The following SLC30A6 variants were observed in gnomAD, a reference collection of about 807,000 sequenced individuals.
The protein encoded by SLC30A6 is solute carrier family 30 member 6.
SLC30A6 carries 55 observed loss-of-function variants against 63.0 expected under a neutral mutation model. That is an observed-to-expected ratio of 0.87 (90% CI 0.70 to 1.09). SLC30A6 has a LOEUF of 1.09. SLC30A6 is among the 50% of genes least tolerant of loss of function. The pLI is 0.00. For missense variants in SLC30A6, 587 were observed against 549.2 expected (o/e 1.07, Z -0.69); for synonymous variants, 224 against 186.1 (o/e 1.20, Z -1.66).
chr2:32,194,272 G>A (rs757091059), intron 8 of SLC30A6, among the ~76,000 whole-genome samples: 3 of 152,170 alleles, frequency 2.0e-5, no homozygotes, highest in Non-Finnish European at 4.4e-5. Context: ...TTCTAAATGT[G>A]TAATCTATCT....
At chr2:32,202,786 G>C in intron 10 of SLC30A6, 1 of 727,022 alleles carries the variant, frequency 1.4e-6, no homozygotes, top group South Asian at 1.5e-5. Context: ...TCTGCAGCTC[G>C]CCCACAGTGG....
intron 4 of SLC30A6, among the ~76,000 whole-genome samples, chr2:32,183,201 A>G (rs1303433681): frequency 1.3e-5 from 2 of 151,890 alleles, no homozygotes; most frequent in Non-Finnish European, 2.9e-5. Flanking sequence ...AAGAACATAT[A>G]TCAGTTCCTG....
At chr2:32,202,446 C>T (rs559993168) in intron 10 of SLC30A6, 1 of 262,778 alleles carries the variant, frequency 3.8e-6, no homozygotes, top group Non-Finnish European at 7.3e-6. Flanking sequence ...TTTCCTGCCT[C>T]AGCCTCCCAA....
chr2:32,202,692 T>G (rs549705311), intron 10 of SLC30A6: 1 of 665,630 alleles, frequency 1.5e-6, no homozygotes, highest in Admixed American at 2.1e-5. Flanking sequence ...AATGTTAGAG[T>G]TAGGTTTTGC....
At chr2:32,199,598 T>G (rs974442011) in intron 10 of SLC30A6, among the ~76,000 whole-genome samples, 1 of 152,214 alleles carries the variant, frequency 6.6e-6, no homozygotes, top group Admixed American at 6.5e-5. Context: ...TACAATAAAT[T>G]ATTGTTGACT....
Position 32,199,274 on chromosome 2 carries a change from T to C in SLC30A6, c.665+1448T>C, listed in dbSNP as rs563684075. Reference sequence around the variant, plus strand: ...TGGATATTTGAATTGGTTGCATTTCTTTGACTATTGTGAATAATACCACTG... The same window carrying C: ...TGGATATTTGAATTGGTTGCATTTCCTTGACTATTGTGAATAATACCACTG... On this transcript the variant is annotated intron_variant, in intron 10 of 13. Coordinates refer to ENST00000282587, the MANE Select transcript of SLC30A6 (RefSeq NM_017964.5). Among the ~76,000 whole-genome samples, 9 of 152,354 alleles carry C rather than the reference T, an allele frequency of 5.9e-5. 1 individual carries two copies. Among genetic ancestry groups the C allele is most frequent in the Non-Finnish European group, 1.2e-4 (8 of 68,034 alleles).
intron 11 of SLC30A6, 137 bp from the exon 12 acceptor site, chr2:32,206,749 C>G (rs1161611304): frequency 3.2e-6 from 2 of 627,496 alleles, no homozygotes; most frequent in African/African-American, 3.7e-5. Context: ...GTTGAAACCT[C>G]TCTTCTCTAA....
chr2:32,166,797 TTA>T (rs1214046985), intron 1 of SLC30A6, among the ~76,000 whole-genome samples: 2 of 152,254 alleles, frequency 1.3e-5, no homozygotes, highest in Non-Finnish European at 2.9e-5. Context: ...TTCACACACT[TTA>T]TGTTTTGTAA....
chr2:32,168,379 T>C (rs1263663814), intron 1 of SLC30A6, among the ~76,000 whole-genome samples: 2 of 150,014 alleles, frequency 1.3e-5, no homozygotes, highest in Non-Finnish European at 3.0e-5. Flanking sequence ...TTTGTGTTTA[T>C]TAACATGCTG....
intron 4 of SLC30A6, among the ~76,000 whole-genome samples, chr2:32,182,807 G>A (rs955402834): frequency 1.3e-5 from 2 of 152,202 alleles, no homozygotes; most frequent in African/African-American, 4.8e-5. Context: ...ATCCAGAGCA[G>A]CATTTTGACG....
intron 7 of SLC30A6, 137 bp downstream of exon 7, chr2:32,193,090 C>T (rs556463118): frequency 7.7e-6 from 4 of 519,310 alleles, no homozygotes; most frequent in East Asian, 3.5e-5. Flanking sequence ...AACAAAATTC[C>T]CTAATACTAA....
intron 13 of SLC30A6, among the ~76,000 whole-genome samples, chr2:32,210,550 G>C (rs1223865703): frequency 4.3e-5 from 6 of 140,172 alleles, no homozygotes; most frequent in Admixed American, 2.9e-4. Context: ...AACAGAAAAT[G>C]AGATCATGCT....
At position 32,222,249 on chromosome 2, in the gene SLC30A6, G is replaced by A. The variant is rs1227521529; in HGVS notation, c.*1536G>A. On this transcript the variant is annotated 3_prime_UTR_variant, in exon 14 of 14. Transcript: ENST00000282587. The stretch of plus-strand genomic sequence containing the variant: ...ACAAGCAGCAGTCACACATGACCTA[G>A]GAGGGTTTTTTATTGTTTTATTTTA... 1.3e-5 allele frequency: 2 copies of A among 152,128 alleles called. No individual in the cohort carries two copies. Among genetic ancestry groups the A allele is most frequent in the Non-Finnish European group, 2.9e-5 (2 of 68,026 alleles). The allele number at this position is 152,128 out of a possible 1,614,324, so 9.4% of individuals were successfully genotyped here.
chr2:32,218,276 A>G lies in SLC30A6; in HGVS notation c.886-1937A>G, dbSNP rs567375258. ...TCTCTACAAAGAAAACAAAAAAACA[A>G]AACCAAAAAAACCCATAATTTATGG... On this transcript the variant is annotated intron_variant, in intron 13 of 13. Transcript: ENST00000282587. 4.6e-5 allele frequency among the ~76,000 whole-genome samples: 7 copies of G among 152,284 alleles called. No individual in the cohort carries two copies. The South Asian group carries it at 1.5e-3, about 32-fold the overall frequency.
At chr2:32,167,221 A>G (rs896424660) in intron 1 of SLC30A6, among the ~76,000 whole-genome samples, 11 of 152,128 alleles carry the variant, frequency 7.2e-5, no homozygotes, top group African/African-American at 2.4e-4. Flanking sequence ...GATTACAGGA[A>G]TGCGCCACCA....
chr2:32,213,302 CT>C (rs5830222), intron 13 of SLC30A6, among the ~76,000 whole-genome samples: 73,066 of 113,494 alleles, frequency 0.64, 21,342 homozygotes, highest in Middle Eastern at 0.69. Context: ...TGATATGGAG[CT>C]TTTTTTTTTT....
chr2:32,169,549 C>T (rs1357639269), intron 1 of SLC30A6, among the ~76,000 whole-genome samples: 6 of 152,128 alleles, frequency 3.9e-5, no homozygotes, highest in African/African-American at 1.4e-4. Context: ...GAGGCCAAGG[C>T]GGGCGGATCA....
chr2:32,205,720 GCAGTGGCGCTA>G (rs1213509283), intron 11 of SLC30A6, among the ~76,000 whole-genome samples: 1 of 129,584 alleles, frequency 7.7e-6, no homozygotes, highest in African/African-American at 3.0e-5. Flanking sequence ...AGGCTGGAGT[GCAGTGGCGCTA>G]CACTCAGGTC....
intron 8 of SLC30A6, among the ~76,000 whole-genome samples, chr2:32,196,710 C>T (rs1475825029): frequency 6.6e-6 from 1 of 152,132 alleles, no homozygotes. Context: ...GATTTGGGAT[C>T]CTCAGCCTGT....
Sources: gnomAD v4.1 joint callset for allele counts (sites outside exome capture counted in the v4.1 genomes callset) on GRCh38, gnomAD v4.1.1 for gene constraint, MANE v1.5 for transcripts, NCBI Gene and HGNC (gene_info 2026-07-23, HGNC 2026-07-21) for gene names.